Variants in PEMT observed in about 807,000 individuals in gnomAD.
PEMT encodes the protein phospholipid methyltransferase.
In PEMT, 23 loss-of-function variants were observed where a neutral mutation model predicts 27.4. The ratio of observed to expected loss-of-function variants is 0.84; its 90% CI spans 0.60 to 1.19. The LOEUF (loss-of-function observed/expected upper bound fraction) is 1.19, where lower values mean the gene tolerates loss of function less well. PEMT is among the 50% of genes most tolerant of loss of function. PEMT has a pLI of 0.00. For synonymous variants in PEMT, 137 were observed against 139.1 expected, an observed-to-expected ratio of 0.98 and a Z score of 0.11; for missense variants, 307 against 310.1, an observed-to-expected ratio of 0.99 and a Z score of 0.07.
At chr17:17,585,731 G>A (rs1287964001) in intron 1 of PEMT, among the ~76,000 whole-genome samples, 2 of 152,060 alleles carry the variant, frequency 1.3e-5, no homozygotes, top group Admixed American at 6.6e-5. Flanking sequence ...TTTTGCCTGT[G>A]GCAGTTTTAA....
chr17:17,560,795 C>G (rs1486223633), intron 2 of PEMT, among the ~76,000 whole-genome samples: 1 of 152,062 alleles, frequency 6.6e-6, no homozygotes, highest in East Asian at 1.9e-4. Flanking sequence ...GCCCTAGCCA[C>G]AGGGGCAGGG....
intron 5 of PEMT, chr17:17,507,395 G>C: frequency 3.3e-6 from 2 of 615,222 alleles, no homozygotes; most frequent in Non-Finnish European, 5.8e-6. Flanking sequence ...CGAGGTGAGG[G>C]CTGGAGGACA....
Position 17,506,221 on chromosome 17 carries a change from A to C in PEMT, c.653+6T>G. 1 of 1,560,746 alleles carries C rather than the reference A, an allele frequency of 6.4e-7. No individual in the cohort carries two copies. Among genetic ancestry groups the C allele is most frequent in the Non-Finnish European group, 8.7e-7 (1 of 1,149,764 alleles). Reference sequence around the variant, plus strand: ...CACGCCCCCACCCGCCGCAGCCCCTACTCACTCTTCGTATAGGAGAGCCAC... The same window carrying C: ...CACGCCCCCACCCGCCGCAGCCCCTCCTCACTCTTCGTATAGGAGAGCCAC... On this transcript the variant is annotated splice_donor_region_variant and intron_variant, in intron 6 of 6. Coordinates refer to ENST00000255389, the MANE Select transcript of PEMT (RefSeq NM_148172.3).
At chr17:17,583,706 C>T (rs538018651) in intron 1 of PEMT, among the ~76,000 whole-genome samples, 4 of 152,372 alleles carry the variant, frequency 2.6e-5, no homozygotes, top group South Asian at 2.1e-4. Context: ...CCGAGGCTGG[C>T]GGCCCCTCTA....
chr17:17,588,302 C>T (rs939629151), intron 1 of PEMT, among the ~76,000 whole-genome samples: 3 of 152,078 alleles, frequency 2.0e-5, no homozygotes, highest in Non-Finnish European at 4.4e-5. Flanking sequence ...TTTTTGGAAA[C>T]GATTTTGGAT....
intron 2 of PEMT, among the ~76,000 whole-genome samples, chr17:17,544,007 C>A (rs571199956): frequency 6.6e-6 from 1 of 152,272 alleles, no homozygotes; most frequent in Admixed American, 6.5e-5. Context: ...GAGAACACAG[C>A]CTTGCTAGAC....
chr17:17,571,084 AG>A (rs1911167312), intron 2 of PEMT, among the ~76,000 whole-genome samples: 1 of 152,230 alleles, frequency 6.6e-6, no homozygotes, highest in East Asian at 1.9e-4. Context: ...AAAGCCTGTC[AG>A]TCCCTCTGTG....
At chr17:17,578,039 G>T (rs74609824) in intron 1 of PEMT, among the ~76,000 whole-genome samples, 20,043 of 147,932 alleles carry the variant, frequency 0.14, 2,658 homozygotes, top group African/African-American at 0.34. Flanking sequence ...AAAAAAGCAC[G>T]AGGTCTACAC....
intron 2 of PEMT, among the ~76,000 whole-genome samples, chr17:17,571,711 GT>G (rs35067579): frequency 2.3e-3 from 329 of 144,908 alleles, no homozygotes; most frequent in Middle Eastern, 0.014. Context: ...TTTGTTTTGG[GT>G]TTTTTTTTTT....
At chr17:17,538,975 T>C (rs1908692412) in intron 2 of PEMT, among the ~76,000 whole-genome samples, 1 of 152,238 alleles carries the variant, frequency 6.6e-6, no homozygotes, top group Non-Finnish European at 1.5e-5. Flanking sequence ...AACGCCCATG[T>C]GCTAGTAGTA....
chr17:17,507,104 C>T (rs539490385), intron 5 of PEMT: 2 of 1,504,272 alleles, frequency 1.3e-6, no homozygotes, highest in African/African-American at 2.8e-5. Context: ...AGCCCGGGCG[C>T]AGCTGCTTTG....
At chr17:17,548,416 A>T (rs966898019) in intron 2 of PEMT, among the ~76,000 whole-genome samples, 7 of 152,138 alleles carry the variant, frequency 4.6e-5, no homozygotes, top group Non-Finnish European at 8.8e-5. Flanking sequence ...AGGAAGAGGG[A>T]TTCCAAAGCT....
chr17:17,591,706 A>G lies in PEMT; in HGVS notation c.-80T>C. On this transcript the variant is annotated 5_prime_UTR_variant, in exon 1 of 7. Coordinates refer to ENST00000255389, the MANE Select transcript of PEMT (RefSeq NM_148172.3). ...GGAACCGGACCTATAGAGCCGGGTA[A>G]GTGCCGCCAGTCGGGGCGCTTTCCC... is the stretch of plus-strand genomic sequence containing the variant. 6.6e-7 allele frequency: 1 copy of G among 1,510,602 alleles called. No individual in the cohort carries two copies. 93.6% of individuals were successfully genotyped at this position (1,510,602 alleles called of 1,614,324 possible).
chr17:17,541,584 T>G (rs1171986000), intron 2 of PEMT, among the ~76,000 whole-genome samples: 2 of 152,214 alleles, frequency 1.3e-5, no homozygotes, highest in South Asian at 4.1e-4. Flanking sequence ...ACACTGAACT[T>G]GAAACATCTG....
At chr17:17,511,045 T>C (rs986406584) in intron 4 of PEMT, among the ~76,000 whole-genome samples, 1 of 152,120 alleles carries the variant, frequency 6.6e-6, no homozygotes, top group Non-Finnish European at 1.5e-5. Context: ...ACCCCCCCTA[T>C]GGCTCCCACC....
chr17:17,539,493 C>T (rs1413470561), intron 2 of PEMT, among the ~76,000 whole-genome samples: 1 of 152,222 alleles, frequency 6.6e-6, no homozygotes, highest in Non-Finnish European at 1.5e-5. Context: ...CTCTGCGATG[C>T]GCCCAGGGTG....
At chr17:17,587,703 A>AAAAAC (rs746515023) in intron 1 of PEMT, among the ~76,000 whole-genome samples, 5 of 152,080 alleles carry the variant, frequency 3.3e-5, no homozygotes, top group African/African-American at 7.2e-5. Flanking sequence ...TAAAAATACA[A>AAAAAC]AAAACAAAAC....
Position 17,582,275 on chromosome 17 carries a change from G to A in PEMT, c.97-5248C>T. The A allele has an allele frequency of 1.1e-5, 11 of 985,540 alleles. No individual in the cohort carries two copies. Among genetic ancestry groups the A allele is most frequent in the Non-Finnish European group, 1.2e-5 (10 of 830,000 alleles). The allele number at this position is 985,540 out of a possible 1,614,324, so 61.0% of individuals were successfully genotyped here. ...GGAAAGGAGCTACCCACCACGGCCA[G>A]GAGGTCTGCTGAGCTGCAGGAATAG... On this transcript the variant is annotated intron_variant, in intron 1 of 6. Coordinates refer to ENST00000255389, the MANE Select transcript of PEMT (RefSeq NM_148172.3). This position sits in a 1 kb window ranked among gnomAD's most constrained non-coding sequence, Gnocchi z 4.9.
In PEMT at chr17:17,522,405, G is replaced by C. The variant is rs377417091; in HGVS notation, c.205-10C>G. Reference sequence around the variant, plus strand: ...GTTCCCATCGTGCAACCTAAACCGTGAGCAGAGAACAAGAACGAGATATTT... The same window carrying C: ...GTTCCCATCGTGCAACCTAAACCGTCAGCAGAGAACAAGAACGAGATATTT... On this transcript the variant is annotated splice_polypyrimidine_tract_variant and intron_variant, in intron 2 of 6. Coordinates refer to ENST00000255389, the MANE Select transcript of PEMT (RefSeq NM_148172.3). 2.1e-4 allele frequency: 329 copies of C among 1,584,070 alleles called. 2 individuals carry two copies. The highest frequency in any genetic ancestry group is 2.6e-4 in the Non-Finnish European group (296 of 1,153,268).
Sources: gnomAD v4.1 joint callset for allele counts (sites outside exome capture counted in the v4.1 genomes callset) on GRCh38, gnomAD v4.1.1 for gene constraint, Gnocchi (gnomAD v3.1) non-coding constraint, MANE v1.5 for transcripts, NCBI Gene and HGNC (gene_info 2026-07-23, HGNC 2026-07-21) for gene names.